Variants in NPAS3 observed in about 807,000 individuals in gnomAD.
The protein encoded by NPAS3 is neuronal PAS domain-containing protein 3.
Under a neutral mutation model 73.1 loss-of-function variants are expected in NPAS3, and 14 were observed. The observed-to-expected ratio is 0.19, with a 90% CI of 0.13 to 0.30. NPAS3 has a LOEUF of 0.30. NPAS3 is among the 10% of genes least tolerant of loss of function. NPAS3 has a pLI of 1.00. For missense variants in NPAS3, 1,096 were observed against 1,250.0 expected (o/e 0.88, Z 1.86); for synonymous variants, 620 against 541.5 (o/e 1.14, Z -2.01).
Position 33,364,663 on chromosome 14 carries a change from A to G in NPAS3, c.386-2523A>G, listed in dbSNP as rs546527928. On this transcript the variant is annotated intron_variant, in intron 3 of 11. Coordinates refer to ENST00000356141, the Ensembl canonical transcript of NPAS3. ...GGGGTTTGGAGAACAAAGAATAACT[A>G]TACAGATAGAACTCATGGATGAAGA... Among the ~76,000 whole-genome samples the G allele has an allele frequency of 7.9e-5, 12 of 152,280 alleles. No homozygotes were observed. In the South Asian group the frequency reaches 2.5e-3, roughly 32 times the overall value.
intron 5 of NPAS3, among the ~76,000 whole-genome samples, chr14:33,673,670 G>A (rs950644635): frequency 6.6e-6 from 1 of 152,308 alleles, no homozygotes; most frequent in Non-Finnish European, 1.5e-5. Context: ...CTTCTTCCCA[G>A]CTCTCCGGGC....
At chr14:33,464,965 C>T (rs904849891) in intron 4 of NPAS3, among the ~76,000 whole-genome samples, 1 of 152,172 alleles carries the variant, frequency 6.6e-6, no homozygotes, top group Non-Finnish European at 1.5e-5. Flanking sequence ...TCATCATTAT[C>T]ATCATGCCAT....
chr14:33,169,629 A>G (rs1048621190), intron 2 of NPAS3, among the ~76,000 whole-genome samples: 1 of 152,238 alleles, frequency 6.6e-6, no homozygotes, highest in African/African-American at 2.4e-5. Flanking sequence ...AATCTTTACC[A>G]ATGCATTTCA....
chr14:33,278,504 T>TTA (rs560803575), intron 3 of NPAS3, among the ~76,000 whole-genome samples: 17 of 139,772 alleles, frequency 1.2e-4, no homozygotes, highest in African/African-American at 4.1e-4. Context: ...AGAAGCCAAG[T>TTA]AAAAAAAAAA....
At chr14:33,486,628 T>C (rs1293206915) in intron 4 of NPAS3, among the ~76,000 whole-genome samples, 2 of 152,180 alleles carry the variant, frequency 1.3e-5, no homozygotes, top group Non-Finnish European at 2.9e-5. Context: ...GCAGTCTTGC[T>C]TGACTAGATA....
chr14:33,037,788 A>C (rs1196399878), intron 1 of NPAS3, among the ~76,000 whole-genome samples: 2 of 152,254 alleles, frequency 1.3e-5, no homozygotes, highest in Admixed American at 1.3e-4. Flanking sequence ...ATATCAGCCA[A>C]ATTTTGTAAA....
intron 5 of NPAS3, among the ~76,000 whole-genome samples, chr14:33,601,891 C>T (rs61322110): frequency 0.032 from 4,807 of 152,194 alleles, 242 homozygotes; most frequent in African/African-American, 0.11. Context: ...GCCTTCCCAC[C>T]TGAAAAATTA....
chr14:33,480,613 T>A lies in NPAS3; in HGVS notation c.469-79508T>A, dbSNP rs369658728. ...TTTCTCCCACCTGTCCCTGTGCACATCTAAATGTACACCTTACAAATTCAC... is the reference window on the plus strand; with the variant it reads ...TTTCTCCCACCTGTCCCTGTGCACAACTAAATGTACACCTTACAAATTCAC... On this transcript the variant is annotated intron_variant, in intron 4 of 11. Coordinates refer to ENST00000356141, the Ensembl canonical transcript of NPAS3. Among the ~76,000 whole-genome samples the A allele has an allele frequency of 1.1e-4, 15 of 141,820 alleles. No individual in the cohort carries two copies. In the East Asian group the frequency reaches 2.2e-3, roughly 21 times the overall value. The allele number at this position is 141,820 out of a possible 152,430, so 93.0% of individuals were successfully genotyped here.
chr14:33,314,922 T>C (rs1379597218), intron 3 of NPAS3, among the ~76,000 whole-genome samples: 3 of 152,114 alleles, frequency 2.0e-5, no homozygotes, highest in African/African-American at 7.2e-5. Flanking sequence ...TGATAAAAAA[T>C]AGAAACCAAA....
intron 4 of NPAS3, among the ~76,000 whole-genome samples, chr14:33,484,409 T>A (rs1160503207): frequency 6.6e-6 from 1 of 152,168 alleles, no homozygotes; most frequent in African/African-American, 2.4e-5. Context: ...AGGGAGGAGG[T>A]ACTAACACTG....
intron 1 of NPAS3, among the ~76,000 whole-genome samples, chr14:32,943,253 T>C (rs2036103453): frequency 6.6e-6 from 1 of 152,212 alleles, no homozygotes; most frequent in Non-Finnish European, 1.5e-5. Flanking sequence ...TGTCTTTATA[T>C]AGTCTTAAAA....
chr14:33,089,906 T>G (rs1595422777), intron 2 of NPAS3, among the ~76,000 whole-genome samples: 2 of 152,174 alleles, frequency 1.3e-5, no homozygotes, highest in African/African-American at 4.8e-5. Flanking sequence ...CTAAGCTTCA[T>G]AAGTGAAGGA....
In NPAS3 at chr14:32,954,567, T is replaced by A. The variant is rs117925832; in HGVS notation, c.50+15201T>A. Among the ~76,000 whole-genome samples the A allele has an allele frequency of 3.4e-3, 525 of 152,232 alleles. 2 individuals are homozygous for A. The highest frequency in any genetic ancestry group is 6.0e-3 in the Non-Finnish European group (410 of 68,002). On this transcript the variant is annotated intron_variant, in intron 1 of 11. Coordinates refer to ENST00000356141, the Ensembl canonical transcript of NPAS3. ...CTTGTAAAGTTGTTTTCTAGTTCAT[T>A]CTTTCTTCTGGGGCCCCTCCATTTC...
intron 4 of NPAS3, among the ~76,000 whole-genome samples, chr14:33,395,111 T>C (rs1183964636): frequency 6.6e-6 from 1 of 152,158 alleles, no homozygotes; most frequent in Non-Finnish European, 1.5e-5. Flanking sequence ...CGAGGATCTC[T>C]TGAAAGATAA....
At chr14:33,285,258 G>A (rs1249097634) in intron 3 of NPAS3, among the ~76,000 whole-genome samples, 2 of 152,132 alleles carry the variant, frequency 1.3e-5, no homozygotes, top group Non-Finnish European at 2.9e-5. Flanking sequence ...TTCCCTCCAT[G>A]AGTTCCCACC....
At chr14:33,253,122 C>A (rs1566726748) in intron 3 of NPAS3, among the ~76,000 whole-genome samples, 1 of 152,018 alleles carries the variant, frequency 6.6e-6, no homozygotes, top group African/African-American at 2.4e-5. Context: ...ATGTATTATT[C>A]TTTTGGTAGA....
At chr14:32,975,757 A>AAAC (rs2037640076) in intron 1 of NPAS3, among the ~76,000 whole-genome samples, 2 of 152,266 alleles carry the variant, frequency 1.3e-5, no homozygotes, top group East Asian at 1.9e-4. Context: ...TAATAAAACA[A>AAAC]AACAAAACAA....
intron 1 of NPAS3, among the ~76,000 whole-genome samples, chr14:33,043,331 T>G (rs535390957): frequency 6.6e-6 from 1 of 152,300 alleles, no homozygotes; most frequent in South Asian, 2.1e-4. Context: ...TCCAATTAAA[T>G]TCTCCTTAGT....
chr14:33,603,197 G>C (rs1441719917), intron 5 of NPAS3, among the ~76,000 whole-genome samples: 1 of 152,122 alleles, frequency 6.6e-6, no homozygotes, highest in Non-Finnish European at 1.5e-5. Flanking sequence ...AACTTCTACA[G>C]ATAAAAACTG....
Sources: allele counts gnomAD v4.1 joint callset (sites outside exome capture counted in the v4.1 genomes callset), GRCh38; gene constraint gnomAD v4.1.1; transcripts MANE v1.5; gene names NCBI Gene and HGNC (gene_info 2026-07-23, HGNC 2026-07-21).